Variants in MKLN1 observed in about 807,000 individuals in gnomAD.
MKLN1 encodes the protein muskelin.
Under a neutral mutation model 99.0 loss-of-function variants are expected in MKLN1, and 18 were observed. The observed-to-expected ratio is 0.18, with a 90% CI of 0.13 to 0.27. MKLN1 has a LOEUF of 0.27. MKLN1 is among the 10% of genes least tolerant of loss of function. MKLN1 has a pLI of 1.00. For synonymous variants in MKLN1, 288 were observed against 293.2 expected (o/e 0.98, Z 0.18); for missense variants, 621 against 875.9 (o/e 0.71, Z 3.67).
chr7:131,171,319 T>C (rs1381154728), intron 2 of MKLN1, among the ~76,000 whole-genome samples: 9 of 152,080 alleles, frequency 5.9e-5, no homozygotes, highest in Non-Finnish European at 1.3e-4. Flanking sequence ...TTAAATGCAG[T>C]GAAAAAGAGT....
rs911362926 is a variant in MKLN1, at chr7:131,444,527, T to C, written c.1395+825T>C. 3.3e-5 allele frequency among the ~76,000 whole-genome samples: 5 copies of C among 152,048 alleles called. No homozygotes were observed. In the South Asian group the frequency reaches 8.3e-4, roughly 25 times the overall value. On this transcript the variant is annotated intron_variant, in intron 11 of 17. Transcript: ENST00000352689. ...ATTAAATTGTGAATTCATACTGATATGTCTGATTCAAATAAAATATTTTTT... is the reference window on the plus strand; with the variant it reads ...ATTAAATTGTGAATTCATACTGATACGTCTGATTCAAATAAAATATTTTTT...
At chr7:131,338,281 G>A (rs1352179724) in intron 1 of MKLN1, among the ~76,000 whole-genome samples, 1 of 152,136 alleles carries the variant, frequency 6.6e-6, no homozygotes, top group Non-Finnish European at 1.5e-5. Context: ...TTTCACTAGG[G>A]GATCTTGACT....
chr7:131,147,782 T>C (rs1795836312), intron 2 of MKLN1, among the ~76,000 whole-genome samples: 1 of 152,184 alleles, frequency 6.6e-6, no homozygotes. Flanking sequence ...GAGCTGGAAC[T>C]GACACACTTG....
chr7:131,194,251 A>G (rs964001138), intron 2 of MKLN1, among the ~76,000 whole-genome samples: 1 of 152,120 alleles, frequency 6.6e-6, no homozygotes, highest in African/African-American at 2.4e-5. Flanking sequence ...GATCATACCC[A>G]AAGGAAACCC....
chr7:131,116,026 C>T (rs936197025), intron 1 of MKLN1, among the ~76,000 whole-genome samples: 3 of 152,086 alleles, frequency 2.0e-5, no homozygotes, highest in Admixed American at 2.0e-4. Flanking sequence ...TTAATTAGGG[C>T]CGGGCACGGT....
At chr7:131,478,267 G>A (rs1218126073) in intron 16 of MKLN1, among the ~76,000 whole-genome samples, 3 of 152,132 alleles carry the variant, frequency 2.0e-5, no homozygotes, top group Non-Finnish European at 4.4e-5. Flanking sequence ...ATTCAGTAAC[G>A]GGACCCAGGG....
intron 2 of MKLN1, among the ~76,000 whole-genome samples, chr7:131,166,267 G>A (rs1796123023): frequency 6.6e-6 from 1 of 152,172 alleles, no homozygotes; most frequent in Non-Finnish European, 1.5e-5. Flanking sequence ...GTCAGAGGAT[G>A]GAGATGCTGA....
intron 3 of MKLN1, among the ~76,000 whole-genome samples, chr7:131,285,932 C>T (rs1021996821): frequency 4.6e-5 from 7 of 151,018 alleles, no homozygotes; most frequent in Non-Finnish European, 1.0e-4. Context: ...TTATTCTCTG[C>T]GTGTGTTTCC....
intron 1 of MKLN1, among the ~76,000 whole-genome samples, chr7:131,126,412 C>CTATA (rs1254686824): frequency 6.6e-6 from 1 of 152,162 alleles, no homozygotes; most frequent in Non-Finnish European, 1.5e-5. Flanking sequence ...AGTCATTTAA[C>CTATA]TATAGCATGT....
At chr7:131,215,651 AT>A (rs1796969765) in intron 3 of MKLN1, among the ~76,000 whole-genome samples, 1 of 152,142 alleles carries the variant, frequency 6.6e-6, no homozygotes, top group South Asian at 2.1e-4. Flanking sequence ...TTTAATTCTG[AT>A]TTTATTTTCA....
At chr7:131,280,383 A>C (rs1485112481) in intron 3 of MKLN1, among the ~76,000 whole-genome samples, 1 of 152,194 alleles carries the variant, frequency 6.6e-6, no homozygotes, top group African/African-American at 2.4e-5. Context: ...AGGAACTGCC[A>C]AACTGTTTTC....
At position 131,234,223 on chromosome 7, in the gene MKLN1, G is replaced by T. The variant is rs533898518; in HGVS notation, c.-179+31249G>T. ...TTGAACTCCTGACCTCAGGTGATCC[G>T]CCTGCCTCGGCCTCCCAAAGTGCTG... On this transcript the variant is annotated intron_variant, in intron 3 of 7. Coordinates refer to the MKLN1 transcript ENST00000416992. Among the ~76,000 whole-genome samples, 21 of 151,894 alleles carry T rather than the reference G, an allele frequency of 1.4e-4. No homozygotes were observed. In the South Asian group the frequency reaches 4.4e-3, roughly 32 times the overall value.
rs529020945 is a variant in MKLN1, at chr7:131,192,762, G to C, written c.-296-10095G>C. ...TCACCGGGTTGGCCAGGCTGGTCTC[G>C]AACTCCTGACCTCGTGATCCACCTG... is the stretch of plus-strand genomic sequence containing the variant. On this transcript the variant is annotated intron_variant, in intron 2 of 7. Transcript: ENST00000416992. 3.1e-4 allele frequency among the ~76,000 whole-genome samples: 47 copies of C among 151,744 alleles called. 1 individual carries two copies. The highest frequency in any genetic ancestry group is 1.0e-3 in the African/African-American group (43 of 41,414).
intron 10 of MKLN1, among the ~76,000 whole-genome samples, chr7:131,439,322 TAGG>T: frequency 6.6e-6 from 1 of 152,214 alleles, no homozygotes; most frequent in East Asian, 1.9e-4. Flanking sequence ...AAGAATAGCT[TAGG>T]AGTAGCACAT....
chr7:131,259,429 T>C (rs1190969347), intron 3 of MKLN1, among the ~76,000 whole-genome samples: 1 of 152,186 alleles, frequency 6.6e-6, no homozygotes, highest in African/African-American at 2.4e-5. Context: ...TCATCTTTCC[T>C]TTTCCTTTTT....
intron 1 of MKLN1, among the ~76,000 whole-genome samples, chr7:131,355,867 AT>A (rs1208963140): frequency 6.6e-6 from 1 of 150,824 alleles, no homozygotes; most frequent in Non-Finnish European, 1.5e-5. Flanking sequence ...TCTAAATAGT[AT>A]TTTTCCCATT....
chr7:131,333,738 G>A (rs1221837163), intron 1 of MKLN1, among the ~76,000 whole-genome samples: 3 of 151,922 alleles, frequency 2.0e-5, no homozygotes, highest in African/African-American at 7.3e-5. Context: ...GGGTTTCTCC[G>A]TGTTGGTCAG....
intron 3 of MKLN1, among the ~76,000 whole-genome samples, chr7:131,304,576 T>G (rs4728218): frequency 0.45 from 68,574 of 151,956 alleles, 16,943 homozygotes; most frequent in Admixed American, 0.59. Flanking sequence ...AGCTTGCCTA[T>G]GGGATAGCGC....
At chr7:131,358,821 A>G (rs1799950581) in intron 1 of MKLN1, among the ~76,000 whole-genome samples, 1 of 152,090 alleles carries the variant, frequency 6.6e-6, no homozygotes, top group African/African-American at 2.4e-5. Context: ...AGAGTTGTTC[A>G]TTTTATTATC....
Sources: allele counts gnomAD v4.1 joint callset (sites outside exome capture counted in the v4.1 genomes callset), GRCh38; gene constraint gnomAD v4.1.1; transcripts MANE v1.5; gene names NCBI Gene and HGNC (gene_info 2026-07-23, HGNC 2026-07-21).